CCSER1: variants seen among roughly 807,000 people sequenced by gnomAD.
CCSER1 encodes serine-rich coiled-coil domain-containing protein 1.
A neutral mutation model predicts 82.0 loss-of-function variants in CCSER1; 41 were observed. That is an observed-to-expected ratio of 0.50 (90% CI 0.39 to 0.65). The LOEUF is 0.65. Ranked by LOEUF, CCSER1 falls within the 30% of genes least tolerant of loss-of-function variation. CCSER1 has a pLI of 0.00. For missense variants in CCSER1, 1,119 were observed against 1,064.2 expected (o/e 1.05, Z -0.72); for synonymous variants, 414 against 383.9 (o/e 1.08, Z -0.92).
intron 9 of CCSER1, 68 bp downstream of exon 9, chr4:90,923,515 T>C: frequency 9.6e-7 from 1 of 1,043,050 alleles, no homozygotes; most frequent in South Asian, 1.4e-5. Flanking sequence ...CTTATTGACC[T>C]CTGCGGCTGC....
At chr4:91,516,467 C>T (rs1301156106) in intron 10 of CCSER1, among the ~76,000 whole-genome samples, 2 of 152,116 alleles carry the variant, frequency 1.3e-5, no homozygotes, top group African/African-American at 4.8e-5. Context: ...ATAGGAATAC[C>T]TTTCTCCATT....
At chr4:90,549,447 G>C (rs1252979584) in intron 5 of CCSER1, among the ~76,000 whole-genome samples, 2 of 151,822 alleles carry the variant, frequency 1.3e-5, no homozygotes, top group Admixed American at 1.3e-4. Context: ...GCTTAGGGTA[G>C]TCATGAAAAT....
At chr4:91,402,003 T>G (rs1214797070) in intron 10 of CCSER1, among the ~76,000 whole-genome samples, 4 of 152,222 alleles carry the variant, frequency 2.6e-5, no homozygotes, top group Non-Finnish European at 4.4e-5. Context: ...TGAACTAGTT[T>G]ACAGTCCCAC....
intron 4 of CCSER1, among the ~76,000 whole-genome samples, chr4:90,424,332 C>T (rs1757227481): frequency 6.6e-6 from 1 of 151,998 alleles, no homozygotes; most frequent in East Asian, 1.9e-4. Flanking sequence ...CAGATCTTGT[C>T]CATATAAAGA....
chr4:90,886,413 C>A (rs757613621), intron 8 of CCSER1, among the ~76,000 whole-genome samples: 6 of 152,124 alleles, frequency 3.9e-5, no homozygotes, highest in Non-Finnish European at 8.8e-5. Flanking sequence ...AAGTGAGCTA[C>A]CTCCCCCAGA....
intron 4 of CCSER1, among the ~76,000 whole-genome samples, chr4:90,402,782 T>C (rs1394508236): frequency 6.6e-6 from 1 of 152,218 alleles, no homozygotes; most frequent in Non-Finnish European, 1.5e-5. Flanking sequence ...CTCTTTAAAC[T>C]TTAGTCTCTC....
intron 10 of CCSER1, among the ~76,000 whole-genome samples, chr4:91,553,587 TCA>T (rs1762264101): frequency 6.6e-6 from 1 of 150,804 alleles, no homozygotes; most frequent in African/African-American, 2.4e-5. Flanking sequence ...TTTTTTGTCT[TCA>T]GTCTCCTTAC....
At chr4:91,582,966 A>G (rs1763803477) in intron 10 of CCSER1, among the ~76,000 whole-genome samples, 1 of 151,450 alleles carries the variant, frequency 6.6e-6, no homozygotes, top group African/African-American at 2.4e-5. Flanking sequence ...AGAGCTAAAG[A>G]TAGCAAACTG....
intron 1 of CCSER1, among the ~76,000 whole-genome samples, chr4:90,267,788 C>A (rs968908954): frequency 6.6e-6 from 1 of 152,140 alleles, no homozygotes; most frequent in African/African-American, 2.4e-5. Context: ...TTGGGTACCC[C>A]CTAATGCAGA....
intron 9 of CCSER1, among the ~76,000 whole-genome samples, chr4:91,012,741 AG>A: frequency 1.2e-5 from 1 of 82,488 alleles, no homozygotes. Flanking sequence ...CATGGGCTAC[AG>A]GGACCAGGGG....
chr4:90,917,710 T>TC (rs1727708148), intron 8 of CCSER1, among the ~76,000 whole-genome samples: 1 of 152,016 alleles, frequency 6.6e-6, no homozygotes, highest in Non-Finnish European at 1.5e-5. Flanking sequence ...ATTTTAGTGA[T>TC]TAAAGAAAAT....
At chr4:90,717,304 A>T (rs568608665) in intron 6 of CCSER1, among the ~76,000 whole-genome samples, 2 of 152,266 alleles carry the variant, frequency 1.3e-5, no homozygotes, top group South Asian at 4.1e-4. Flanking sequence ...AGTGAAATGA[A>T]CTGGATGCTA....
chr4:91,353,587 C>G (rs1748625631), intron 10 of CCSER1, among the ~76,000 whole-genome samples: 2 of 152,180 alleles, frequency 1.3e-5, no homozygotes, highest in Non-Finnish European at 2.9e-5. Flanking sequence ...GAGGGTCTCT[C>G]TCTTTCCTCC....
chr4:91,453,684 A>G (rs1265801057), intron 10 of CCSER1, among the ~76,000 whole-genome samples: 2 of 152,042 alleles, frequency 1.3e-5, no homozygotes, highest in African/African-American at 4.8e-5. Context: ...GAAGAACCCA[A>G]GCATATCTGG....
At chr4:91,048,725 T>C (rs574190938) in intron 9 of CCSER1, among the ~76,000 whole-genome samples, 1 of 152,292 alleles carries the variant, frequency 6.6e-6, no homozygotes, top group Admixed American at 6.5e-5. Context: ...TTTCTGTGTT[T>C]CTACAATTAA....
chr4:90,421,780 G>T (rs1756732271), intron 4 of CCSER1, among the ~76,000 whole-genome samples: 1 of 152,086 alleles, frequency 6.6e-6, no homozygotes, highest in Non-Finnish European at 1.5e-5. Flanking sequence ...TTAACATGAA[G>T]AATTTAATGA....
intron 4 of CCSER1, among the ~76,000 whole-genome samples, chr4:90,466,167 G>A (rs1296553596): frequency 6.6e-6 from 1 of 152,178 alleles, no homozygotes; most frequent in African/African-American, 2.4e-5. Flanking sequence ...CTACTAATAA[G>A]TTGACTTTCA....
rs112231942 is a variant in CCSER1 at position 91,438,788 on chromosome 4, G to T, written c.2218-159784G>T. Among the ~76,000 whole-genome samples, 9 of 152,326 alleles carry T rather than the reference G, an allele frequency of 5.9e-5. 1 individual carries two copies. The highest frequency in any genetic ancestry group is 2.2e-4 in the African/African-American group (9 of 41,568). ...AACCAATACAGAGAAGTGCTTAAAG[G>T]AGCTGATGGAGCTGAACACCAAGGC... On this transcript the variant is annotated intron_variant, in intron 10 of 10. Coordinates refer to ENST00000509176, the MANE Select transcript of CCSER1 (RefSeq NM_001145065.2).
intron 10 of CCSER1, among the ~76,000 whole-genome samples, chr4:91,275,969 A>G (rs968365284): frequency 6.6e-6 from 1 of 152,064 alleles, no homozygotes; most frequent in Non-Finnish European, 1.5e-5. Flanking sequence ...GTTAACTATA[A>G]AAACATGGAT....
Sources: allele counts gnomAD v4.1 joint callset (sites outside exome capture counted in the v4.1 genomes callset), GRCh38; gene constraint gnomAD v4.1.1; transcripts MANE v1.5; gene names NCBI Gene and HGNC (gene_info 2026-07-23, HGNC 2026-07-21).